Variants in LONRF1 observed in about 807,000 individuals in gnomAD.
LONRF1 encodes LON peptidase N-terminal domain and ring finger 1, also known as LON peptidase N-terminal domain and RING finger protein 1.
LONRF1 carries 37 observed loss-of-function variants against 85.8 expected under a neutral mutation model. The observed-to-expected ratio is 0.43, with a 90% CI of 0.33 to 0.57. The LOEUF (loss-of-function observed/expected upper bound fraction) is 0.57. LONRF1 is among the 20% of genes least tolerant of loss of function. The probability of loss-of-function intolerance (pLI) is 0.04; values close to 1 mark genes in which losing one functional copy is unlikely to be tolerated. For synonymous variants in LONRF1, 517 were observed against 390.1 expected (o/e 1.33, Z -3.83); for missense variants, 1,036 against 978.0 (o/e 1.06, Z -0.79).
At chr8:12,735,147 T>C (rs1798670103) in intron 7 of LONRF1, 139 bp downstream of exon 7, 2 of 614,374 alleles carry the variant, frequency 3.3e-6, no homozygotes, top group African/African-American at 1.9e-5. Context: ...ATATGGGTAA[T>C]AAAACATTAT....
chr8:12,730,517 C>A (rs753471798), intron 8 of LONRF1, among the ~76,000 whole-genome samples: 1 of 152,140 alleles, frequency 6.6e-6, no homozygotes, highest in Non-Finnish European at 1.5e-5. Context: ...GCTGGACACC[C>A]TGTCGCTTCT....
rs754080718 is a variant in LONRF1, at chr8:12,754,998, G to A, written c.423C>T (p.Ser141=). The A allele has an allele frequency of 7.2e-5, 108 of 1,493,682 alleles. No homozygotes were observed. Among genetic ancestry groups the A allele is most frequent in the Non-Finnish European group, 9.4e-5 (106 of 1,128,442 alleles). 92.5% of individuals were successfully genotyped at this position (1,493,682 alleles called of 1,614,324 possible). ...CCCTCCGCAGGCAGCGGCGGCAGTA[G>A]CTGTGGCCACAGGGCACGGTCACCG... The part of the protein sequence containing the change: ...SEPVTVPCGH[S]YCRRCLRREL... The change falls in exon 1 of 12, where the codon AGC becomes AGT. Residue 141 remains serine (S), a synonymous_variant. Coordinates refer to ENST00000398246, the MANE Select transcript of LONRF1 (RefSeq NM_152271.5).
chr8:12,722,168 T>G lies in LONRF1; in HGVS notation c.*928A>C, dbSNP rs1394784536. On this transcript the variant is annotated 3_prime_UTR_variant, in exon 12 of 12. Transcript: ENST00000398246. ...CAAACTTTAAAAGCTTAGTTCTATA[T>G]TAAACTTCTTCTCTTTTCCCAGATC... The G allele has an allele frequency of 6.6e-6, 1 of 152,554 alleles. No individual in the cohort carries two copies. The highest frequency in any genetic ancestry group is 2.4e-5 in the African/African-American group (1 of 41,418). The allele number at this position is 152,554 out of a possible 1,614,324, so 9.5% of individuals were successfully genotyped here.
chr8:12,743,424 A>G, intron 1 of LONRF1, 142 bp from the exon 2 acceptor site: 1 of 595,144 alleles, frequency 1.7e-6, no homozygotes, highest in Non-Finnish European at 2.9e-6. Context: ...AGCCAAAGGC[A>G]GTATAGGCAC....
At chr8:12,730,220 T>C (rs1204877375) in intron 8 of LONRF1, among the ~76,000 whole-genome samples, 1 of 152,228 alleles carries the variant, frequency 6.6e-6, no homozygotes, top group African/African-American at 2.4e-5. Flanking sequence ...TGAACTGAAT[T>C]AGAAGAAATG....
At chr8:12,737,329 T>C (rs1021854764) in intron 4 of LONRF1, 189 bp from the exon 5 acceptor site, 4 of 738,546 alleles carry the variant, frequency 5.4e-6, no homozygotes, top group South Asian at 1.5e-5. Context: ...GCCCTCCGTA[T>C]CCACAGGCTC....
chr8:12,742,535 C>T (rs1162201519), intron 2 of LONRF1, among the ~76,000 whole-genome samples: 1 of 152,188 alleles, frequency 6.6e-6, no homozygotes, highest in African/African-American at 2.4e-5. Context: ...AGAACCTATT[C>T]TCTTTCCATT....
rs541953765 is a variant in LONRF1, at chr8:12,731,184, G to A, written c.1688+552C>T. On this transcript the variant is annotated intron_variant, in intron 8 of 11. Coordinates refer to ENST00000398246, the MANE Select transcript of LONRF1 (RefSeq NM_152271.5). ...TCTTTGCAGAGTGGCCTGCCTTACC[G>A]AATCCCAAAGTTGCCTCCGAGATTT... Among the ~76,000 whole-genome samples, 473 of 152,048 alleles carry A rather than the reference G, an allele frequency of 3.1e-3. 1 individual carries two copies. Among genetic ancestry groups the A allele is most frequent in the African/African-American group, 0.011 (450 of 41,466 alleles).
chr8:12,752,761 C>T (rs768285304), intron 1 of LONRF1, among the ~76,000 whole-genome samples: 1 of 152,196 alleles, frequency 6.6e-6, no homozygotes, highest in Non-Finnish European at 1.5e-5. Context: ...ACTGTTCTTC[C>T]ATGGACCAGG....
chr8:12,745,092 G>C (rs1258325709), intron 1 of LONRF1, among the ~76,000 whole-genome samples: 1 of 146,730 alleles, frequency 6.8e-6, no homozygotes, highest in Non-Finnish European at 1.5e-5. Flanking sequence ...TCTGACCAAA[G>C]CAAAAAAAGA....
chr8:12,744,741 A>C (rs1041407865), intron 1 of LONRF1, among the ~76,000 whole-genome samples: 10 of 152,192 alleles, frequency 6.6e-5, no homozygotes, highest in African/African-American at 2.4e-4. Flanking sequence ...CCAGGCTATA[A>C]AAGACTAGGC....
At position 12,722,456 on chromosome 8, in the gene LONRF1, C is replaced by T. The variant is rs1474998392; in HGVS notation, c.*640G>A. ...CTGGCTCTAGGTTCTGCATCCAATG[C>T]CTGTCGGCCACTGTGATGCAAGTAT... On this transcript the variant is annotated 3_prime_UTR_variant, in exon 12 of 12. Coordinates refer to ENST00000398246, the MANE Select transcript of LONRF1 (RefSeq NM_152271.5). 2 of 152,636 alleles carry T rather than the reference C, an allele frequency of 1.3e-5. No homozygotes were observed. The highest frequency in any genetic ancestry group is 4.8e-5 in the African/African-American group (2 of 41,452). 9.5% of individuals were successfully genotyped at this position (152,636 alleles called of 1,614,324 possible). A position where few individuals can be genotyped will look rare whatever the true frequency, so the allele number is the denominator to read the frequency against.
chr8:12,737,486 G>C (rs540880201), intron 4 of LONRF1: 2 of 385,112 alleles, frequency 5.2e-6, no homozygotes, highest in Admixed American at 7.6e-5. Flanking sequence ...GGTATTATAA[G>C]TAACCTAGAG....
chr8:12,723,399 A>G (rs1366277036), intron 11 of LONRF1, 145 bp from the exon 12 acceptor site: 1 of 678,964 alleles, frequency 1.5e-6, no homozygotes, highest in East Asian at 2.8e-5. Flanking sequence ...TATGCAAAGT[A>G]TAAAATGGGA....
chr8:12,740,476 A>G (rs777754379), intron 3 of LONRF1, among the ~76,000 whole-genome samples: 2 of 152,190 alleles, frequency 1.3e-5, no homozygotes, highest in Non-Finnish European at 2.9e-5. Flanking sequence ...AACTAAGGCA[A>G]AACAAGTGGA....
intron 1 of LONRF1, chr8:12,754,081 G>C (rs139966817): frequency 0.024 from 3,688 of 152,222 alleles, 61 homozygotes; most frequent in Middle Eastern, 0.041. Flanking sequence ...TCCCGGGGCC[G>C]GGCGCCCGCG....
At chr8:12,724,087 C>T (rs534993982) in intron 11 of LONRF1, among the ~76,000 whole-genome samples, 1 of 152,236 alleles carries the variant, frequency 6.6e-6, no homozygotes, top group Admixed American at 6.5e-5. Context: ...GAATCAGATT[C>T]GGTTTCTATA....
In LONRF1 at chr8:12,722,081, T is replaced by C. The variant is rs1366095113; in HGVS notation, c.*1015A>G. On this transcript the variant is annotated 3_prime_UTR_variant, in exon 12 of 12. Transcript: ENST00000398246. ...TAAACCATGTTGCAGCATGGTGATC[T>C]AACTGTGATATGAATAAGGCATAAC... The C allele has an allele frequency of 2.0e-5, 3 of 152,740 alleles. No individual in the cohort carries two copies. Among genetic ancestry groups the C allele is most frequent in the African/African-American group, 7.2e-5 (3 of 41,552 alleles). The allele number at this position is 152,740 out of a possible 1,614,324, so 9.5% of individuals were successfully genotyped here.
chr8:12,743,182 T>C lies in LONRF1; in HGVS notation c.822A>G (p.Gln274=). Residue 274 remains glutamine, a synonymous_variant, in exon 2 of 12, where the codon CAA becomes CAG. Transcript: ENST00000398246. ...ATTTTACCTCAGGCCAATCTGGAAG[T>C]TGAAAAAGAACTGCATTTAAATCTT... The part of the protein sequence containing the change: ...AIEDLNAVLF[Q]LPDWPEVYFR... 1.9e-6 allele frequency: 3 copies of C among 1,610,280 alleles called. No individual in the cohort carries two copies. The highest frequency in any genetic ancestry group is 2.5e-6 in the Non-Finnish European group (3 of 1,176,812).
Sources: gnomAD v4.1 joint callset for allele counts (sites outside exome capture counted in the v4.1 genomes callset) on GRCh38, gnomAD v4.1.1 for gene constraint, MANE v1.5 for transcripts, NCBI Gene and HGNC (gene_info 2026-07-23, HGNC 2026-07-21) for gene names.